Variants in SCAI observed in about 807,000 individuals in gnomAD.
SCAI encodes the protein suppressor of cancer cell invasion.
SCAI carries 24 observed loss-of-function variants against 92.2 expected under a neutral mutation model. That is an observed-to-expected ratio of 0.26 (90% confidence interval 0.19 to 0.37). The LOEUF (loss-of-function observed/expected upper bound fraction) is 0.37. SCAI is among the 10% of genes least tolerant of loss of function. The probability of loss-of-function intolerance (pLI) is 1.00; values close to 1 mark genes in which losing one functional copy is unlikely to be tolerated. For synonymous variants in SCAI, 261 were observed against 258.6 expected (o/e 1.01, Z -0.09); for missense variants, 450 against 736.2 (o/e 0.61, Z 4.50).
At position 125,091,883 on chromosome 9, in the gene SCAI, G is replaced by A. The variant is rs534360338; in HGVS notation, c.99-35876C>T. Among the ~76,000 whole-genome samples the A allele has an allele frequency of 1.7e-4, 26 of 152,114 alleles. No homozygotes were observed. The highest frequency in any genetic ancestry group is 6.2e-4 in the South Asian group (3 of 4,818). On this transcript the variant is annotated intron_variant, in intron 2 of 17. Coordinates refer to ENST00000336505, the MANE Select transcript of SCAI (RefSeq NM_001144877.3). This position sits in a 1 kb window ranked among gnomAD's most constrained non-coding sequence, Gnocchi z 4.3. Reference sequence around the variant, plus strand: ...TCCCAGCACTGCGGGAGGCCGAGGCGAGCAGATCACGAGGTCAGGAGATCG... The same window carrying A: ...TCCCAGCACTGCGGGAGGCCGAGGCAAGCAGATCACGAGGTCAGGAGATCG...
At chr9:124,989,839 C>T (rs1241200585) in intron 14 of SCAI, among the ~76,000 whole-genome samples, 1 of 144,888 alleles carries the variant, frequency 6.9e-6, no homozygotes, top group Non-Finnish European at 1.5e-5. Context: ...GCTGAGATTA[C>T]ATCACTGCAC....
At chr9:124,987,566 G>A (rs1259442370) in intron 14 of SCAI, among the ~76,000 whole-genome samples, 7 of 152,192 alleles carry the variant, frequency 4.6e-5, no homozygotes, top group Non-Finnish European at 1.0e-4. Context: ...AAAGACTGGT[G>A]TTGGAAATAT....
intron 14 of SCAI, among the ~76,000 whole-genome samples, chr9:124,985,392 G>C (rs1182858189): frequency 6.6e-6 from 1 of 152,166 alleles, no homozygotes; most frequent in Non-Finnish European, 1.5e-5. Context: ...GCCTCTGGGT[G>C]TCTGGCATAA....
At chr9:124,968,669 G>T in intron 17 of SCAI, 2 of 1,277,456 alleles carry the variant, frequency 1.6e-6, no homozygotes, top group Non-Finnish European at 2.3e-6. Context: ...CAGAGCCTGG[G>T]TGGCCCAAAG....
chr9:125,083,470 A>G (rs1834261940), intron 2 of SCAI, among the ~76,000 whole-genome samples: 1 of 149,626 alleles, frequency 6.7e-6, no homozygotes, highest in Non-Finnish European at 1.5e-5. Context: ...GTGACCTGAC[A>G]TCGCACCAAT....
intron 2 of SCAI, among the ~76,000 whole-genome samples, chr9:125,063,849 G>A (rs1414750916): frequency 6.6e-6 from 1 of 151,724 alleles, no homozygotes; most frequent in Non-Finnish European, 1.5e-5. Flanking sequence ...CATCTCCCAG[G>A]TTCAAGTGAT....
chr9:125,118,989 T>C (rs1391856084), intron 2 of SCAI, among the ~76,000 whole-genome samples: 1 of 152,228 alleles, frequency 6.6e-6, no homozygotes, highest in Non-Finnish European at 1.5e-5. Context: ...TTTGCTATTG[T>C]ATCACTGCCT....
chr9:125,049,801 C>A (rs924324705), intron 3 of SCAI, among the ~76,000 whole-genome samples: 2 of 152,076 alleles, frequency 1.3e-5, no homozygotes, highest in Admixed American at 6.6e-5. Flanking sequence ...AAATCTGAAA[C>A]CTTTCATGCA....
At chr9:125,017,716 AAACAACT>A (rs1172873775) in intron 9 of SCAI, among the ~76,000 whole-genome samples, 1 of 152,134 alleles carries the variant, frequency 6.6e-6, no homozygotes, top group African/African-American at 2.4e-5. Flanking sequence ...ATTTACCCAA[AAACAACT>A]CCTGGCCAAG....
intron 2 of SCAI, among the ~76,000 whole-genome samples, chr9:125,084,084 A>C (rs1834274247): frequency 6.6e-6 from 1 of 151,788 alleles, no homozygotes; most frequent in Admixed American, 6.6e-5. Flanking sequence ...GTCTAAAAAT[A>C]CAATAGTAAA....
chr9:124,959,474 A>G lies in SCAI; in HGVS notation c.1675-6521T>C, dbSNP rs566454812. 1.9e-4 allele frequency among the ~76,000 whole-genome samples: 20 copies of G among 105,516 alleles called. 1 individual carries two copies. The East Asian group carries it at 4.6e-3, about 24-fold the overall frequency. The allele number at this position is 105,516 out of a possible 152,430, so 69.2% of individuals were successfully genotyped here. A position where few individuals can be genotyped will look rare whatever the true frequency, so the allele number is the denominator to read the frequency against. ...AGGCCTAGCAATTTCATATATATAT[A>G]TATATATATACACACACACATATAT... On this transcript the variant is annotated intron_variant, in intron 17 of 17. Coordinates refer to ENST00000336505, the MANE Select transcript of SCAI (RefSeq NM_001144877.3).
At chr9:124,961,768 C>T (rs1370822350) in intron 17 of SCAI, among the ~76,000 whole-genome samples, 1 of 152,066 alleles carries the variant, frequency 6.6e-6, no homozygotes, top group East Asian at 1.9e-4. Flanking sequence ...ATGCTGAGCC[C>T]CCTCCCTAAC....
In SCAI at chr9:125,028,428, A is replaced by G. The variant is rs763293432; in HGVS notation, c.377T>C (p.Ile126Thr). The stretch of plus-strand genomic sequence containing the variant: ...GTATAGCTGCCCAATCTTGGAAGCA[A>G]TTTCTCCTATTTGCCAGCGCTTCAA... The part of the protein sequence containing the change: ...YGLKRWQIGE[I>T]ASKIGQLYYH... The change falls in exon 5 of 18, where the codon ATT becomes ACT. Residue 126 changes from isoleucine to threonine, a missense_variant. Ile to Thr is a moderately conservative substitution (Grantham distance 89). Around this residue, in one of 3 missense-constraint regions of SCAI, gnomAD observed 360 missense variants for 601.8 expected, o/e 0.60. Transcript: ENST00000336505. The G allele has an allele frequency of 6.2e-7, 1 of 1,602,258 alleles. No individual in the cohort carries two copies.
At chr9:124,983,853 G>C (rs1429510375) in intron 14 of SCAI, among the ~76,000 whole-genome samples, 2 of 152,192 alleles carry the variant, frequency 1.3e-5, no homozygotes, top group Middle Eastern at 3.2e-3. Flanking sequence ...GTGATCTTGG[G>C]CAAATTACTT....
chr9:125,059,555 CTA>C (rs1833733876), intron 2 of SCAI, among the ~76,000 whole-genome samples: 1 of 152,156 alleles, frequency 6.6e-6, no homozygotes, highest in South Asian at 2.1e-4. Context: ...CACATTAAAA[CTA>C]CACTAATTAT....
chr9:125,097,992 AAT>A (rs1314674662), intron 2 of SCAI, among the ~76,000 whole-genome samples: 1 of 151,376 alleles, frequency 6.6e-6, no homozygotes. Context: ...TCTATATAAG[AAT>A]ATATATATGT....
At chr9:125,047,042 T>C (rs1833457527) in intron 3 of SCAI, among the ~76,000 whole-genome samples, 1 of 152,118 alleles carries the variant, frequency 6.6e-6, no homozygotes. Flanking sequence ...CAAAACCCAC[T>C]GGTAACATTT....
At chr9:125,110,777 A>T (rs2131231436) in intron 2 of SCAI, among the ~76,000 whole-genome samples, 1 of 152,216 alleles carries the variant, frequency 6.6e-6, no homozygotes, top group East Asian at 1.9e-4. Flanking sequence ...ACCCAGTCTC[A>T]GTTATTTCTA....
chr9:125,138,001 G>A (rs1835576361), intron 2 of SCAI, among the ~76,000 whole-genome samples: 1 of 152,136 alleles, frequency 6.6e-6, no homozygotes, highest in South Asian at 2.1e-4. Flanking sequence ...AAAACTCAGA[G>A]CCAAACACCA....
Sources: allele counts gnomAD v4.1 joint callset (sites outside exome capture counted in the v4.1 genomes callset), GRCh38; gene constraint gnomAD v4.1.1; regional missense constraint gnomAD v4.1.1; non-coding constraint Gnocchi (gnomAD v3.1); transcripts MANE v1.5; gene names NCBI Gene and HGNC (gene_info 2026-07-23, HGNC 2026-07-21).